Variants in RAP1GAP observed in about 807,000 individuals in gnomAD.
RAP1GAP encodes rap1 GTPase-activating protein 1.
RAP1GAP carries 35 observed loss-of-function variants against 87.2 expected under a neutral mutation model. The ratio of observed to expected loss-of-function variants is 0.40; its 90% CI spans 0.31 to 0.53. The LOEUF is 0.53. RAP1GAP is among the 20% of genes least tolerant of loss of function. The pLI is 0.48. For missense variants in RAP1GAP, 734 were observed against 898.9 expected, an observed-to-expected ratio of 0.82 and a Z score of 2.35; for synonymous variants, 375 against 363.9, an observed-to-expected ratio of 1.03 and a Z score of -0.35.
chr1:21,626,559 C>G (rs2092152003), intron 2 of RAP1GAP, among the ~76,000 whole-genome samples, 162 bp from the exon 3 acceptor site: 2 of 152,138 alleles, frequency 1.3e-5, no homozygotes, highest in African/African-American at 4.8e-5. Context: ...GCTTCATTAG[C>G]AGGGCTACCA....
chr1:21,601,990 G>A (rs1558608742), intron 19 of RAP1GAP, among the ~76,000 whole-genome samples, 193 bp from the exon 20 acceptor site: 1 of 152,228 alleles, frequency 6.6e-6, no homozygotes. Context: ...GCACTGATGG[G>A]GCTATATGGG....
rs747646605 is a variant in RAP1GAP at position 21,609,525 on chromosome 1, C to T, written c.1071+50G>A. 1 of 1,120,732 alleles carries T rather than the reference C, an allele frequency of 8.9e-7. No individual in the cohort carries two copies. The highest frequency in any genetic ancestry group is 2.1e-5 in the South Asian group (1 of 47,128). The allele number at this position is 1,120,732 out of a possible 1,614,324, so 69.4% of individuals were successfully genotyped here. A position where few individuals can be genotyped will look rare whatever the true frequency, so the allele number is the denominator to read the frequency against. The stretch of plus-strand genomic sequence containing the variant: ...GCAGAATGTGTATGCACCCCCCAGG[C>T]CCCCACCCATTTGTCCTGCTCTGCC... On this transcript the variant is annotated intron_variant, in intron 15 of 24. Coordinates refer to ENST00000374765, the MANE Select transcript of RAP1GAP (RefSeq NM_002885.4). The surrounding 1 kb of genome is among the most constrained non-coding windows in gnomAD (Gnocchi z 4.4).
At chr1:21,662,139 G>C (rs2097175571) in intron 1 of RAP1GAP, among the ~76,000 whole-genome samples, 1 of 152,186 alleles carries the variant, frequency 6.6e-6, no homozygotes, top group African/African-American at 2.4e-5. Flanking sequence ...CAGGTGCTGG[G>C]TCTCAGAAGG....
At chr1:21,666,455 A>G (rs1467087015) in intron 1 of RAP1GAP, among the ~76,000 whole-genome samples, 4 of 152,174 alleles carry the variant, frequency 2.6e-5, no homozygotes, top group Non-Finnish European at 5.9e-5. Flanking sequence ...AGAGACAGCA[A>G]AGGAGCAGCC....
In RAP1GAP at chr1:21,611,709, T is replaced by C. The variant is rs372850080; in HGVS notation, c.713+7A>G. ...TTACACTCTGCTCAGCCCACCCTAA[T>C]ACTCACCCCTTAAAGTCCTGCAGTT... On this transcript the variant is annotated splice_region_variant and intron_variant, in intron 12 of 24. Transcript: ENST00000374765. The C allele has an allele frequency of 6.2e-7, 1 of 1,612,178 alleles. No individual in the cohort carries two copies. The highest frequency in any genetic ancestry group is 1.3e-5 in the African/African-American group (1 of 74,902).
chr1:21,662,365 G>T (rs2097183493), intron 1 of RAP1GAP, among the ~76,000 whole-genome samples: 1 of 152,208 alleles, frequency 6.6e-6, no homozygotes, highest in Admixed American at 6.5e-5. Flanking sequence ...GGTTGGACCA[G>T]CTGATCTCTG....
At chr1:21,607,702 C>T (rs1184353567) in intron 17 of RAP1GAP, among the ~76,000 whole-genome samples, 1 of 152,136 alleles carries the variant, frequency 6.6e-6, no homozygotes, top group Non-Finnish European at 1.5e-5. Flanking sequence ...TAGGCCCCAC[C>T]TCCAACAGTT....
At chr1:21,607,458 C>T in intron 17 of RAP1GAP, among the ~76,000 whole-genome samples, 1 of 152,174 alleles carries the variant, frequency 6.6e-6, no homozygotes, top group East Asian at 1.9e-4. Flanking sequence ...AGTGTCCGTG[C>T]TCTTAATGCT....
intron 18 of RAP1GAP, among the ~76,000 whole-genome samples, 160 bp downstream of exon 18, chr1:21,605,906 C>T (rs1243934924): frequency 1.3e-5 from 2 of 152,218 alleles, no homozygotes; most frequent in Non-Finnish European, 2.9e-5. Flanking sequence ...CACTTCACCC[C>T]CCTCCCATGG....
chr1:21,634,842 A>G lies in RAP1GAP; in HGVS notation c.-112-8445T>C. On this transcript the variant is annotated intron_variant, in intron 2 of 24. Coordinates refer to ENST00000374765, the MANE Select transcript of RAP1GAP (RefSeq NM_002885.4). This position sits in a 1 kb window ranked among gnomAD's most constrained non-coding sequence, Gnocchi z 4.1. ...GCCAAAACCTGACCCTTCCCACCCC[A>G]CCGAGGACTTCAGTGTGGACTGACT... 2.8e-6 allele frequency: 1 copy of G among 361,526 alleles called. No individual in the cohort carries two copies. The highest frequency in any genetic ancestry group is 6.0e-6 in the Non-Finnish European group (1 of 167,752). 22.4% of individuals were successfully genotyped at this position (361,526 alleles called of 1,614,324 possible). A position where few individuals can be genotyped will look rare whatever the true frequency, so the allele number is the denominator to read the frequency against.
At chr1:21,667,909 C>A (rs184942979) in intron 1 of RAP1GAP, among the ~76,000 whole-genome samples, 14 of 152,196 alleles carry the variant, frequency 9.2e-5, no homozygotes, top group African/African-American at 3.4e-4. Context: ...ACACGCACCC[C>A]TTACCAGACC....
chr1:21,618,126 A>T (rs944458155), intron 5 of RAP1GAP, among the ~76,000 whole-genome samples, 154 bp from the exon 6 acceptor site: 2 of 152,226 alleles, frequency 1.3e-5, no homozygotes, highest in East Asian at 3.9e-4. Flanking sequence ...AGGCAGGCTT[A>T]GCGTGCTGAG....
Position 21,655,451 on chromosome 1 carries a change from G to A in RAP1GAP, c.-148-5655C>T, listed in dbSNP as rs139741093. ...GACCAGGCTCTGATGCTTCCTAGCT[G>A]TGTGATGTCAAACACATTAGTAACA... On this transcript the variant is annotated intron_variant, in intron 1 of 24. Coordinates refer to ENST00000374765, the MANE Select transcript of RAP1GAP (RefSeq NM_002885.4). Among the ~76,000 whole-genome samples the A allele has an allele frequency of 1.7e-3, 257 of 152,316 alleles. 1 individual carries two copies. Among genetic ancestry groups the A allele is most frequent in the African/African-American group, 5.1e-3 (212 of 41,582 alleles).
chr1:21,665,365 T>A, intron 1 of RAP1GAP: 1 of 409,638 alleles, frequency 2.4e-6, no homozygotes, highest in Admixed American at 2.5e-5. Context: ...CACCTCCTCA[T>A]CTGACACAAA....
At chr1:21,655,890 T>C (rs1406724273) in intron 1 of RAP1GAP, among the ~76,000 whole-genome samples, 1 of 152,114 alleles carries the variant, frequency 6.6e-6, no homozygotes, top group African/African-American at 2.4e-5. Flanking sequence ...CCTGGGAAGA[T>C]CTCAGGTCTG....
In RAP1GAP at chr1:21,634,786, C is replaced by A; in HGVS notation, c.-112-8389G>T. 1 of 465,978 alleles carries A rather than the reference C, an allele frequency of 2.1e-6. No individual in the cohort carries two copies. The highest frequency in any genetic ancestry group is 6.5e-5 in the East Asian group (1 of 15,300). The allele number at this position is 465,978 out of a possible 1,614,324, so 28.9% of individuals were successfully genotyped here. A position where few individuals can be genotyped will look rare whatever the true frequency, so the allele number is the denominator to read the frequency against. On this transcript the variant is annotated intron_variant, in intron 2 of 24. Coordinates refer to ENST00000374765, the MANE Select transcript of RAP1GAP (RefSeq NM_002885.4). The surrounding 1 kb of genome is among the most constrained non-coding windows in gnomAD (Gnocchi z 4.1). Reference sequence around the variant, plus strand: ...CCTGCTGTCTATCCAGCATCTGTCTCCCTTGCTCAGGTGGCCTGAGCCCCA... The same window carrying A: ...CCTGCTGTCTATCCAGCATCTGTCTACCTTGCTCAGGTGGCCTGAGCCCCA...
chr1:21,622,553 A>T lies in RAP1GAP; in HGVS notation c.-18-2503T>A, dbSNP rs2089156213. ...GCTCCCGGCGGCGGCGCTGCCTGCG[A>T]TGGGCTCGCCCCACGGCGGGGCCCG... On this transcript the variant is annotated intron_variant, in intron 3 of 24. Transcript: ENST00000374765. This position sits in a 1 kb window ranked among gnomAD's most constrained non-coding sequence, Gnocchi z 5.7. 6.8e-6 allele frequency: 1 copy of T among 147,018 alleles called. No homozygotes were observed. Among genetic ancestry groups the T allele is most frequent in the Non-Finnish European group, 1.5e-5 (1 of 66,468 alleles). The allele number at this position is 147,018 out of a possible 1,614,324, so 9.1% of individuals were successfully genotyped here. A position where few individuals can be genotyped will look rare whatever the true frequency, so the allele number is the denominator to read the frequency against.
chr1:21,648,068 T>C (rs2096240690), intron 2 of RAP1GAP, among the ~76,000 whole-genome samples: 1 of 152,148 alleles, frequency 6.6e-6, no homozygotes, highest in African/African-American at 2.4e-5. Context: ...CTTTGGCAGC[T>C]GGGAAGGGAG....
Position 21,609,619 on chromosome 1 carries a change from G to A in RAP1GAP, c.1027C>T (p.Pro343Ser). Residue 343 changes from proline (P) to serine (S), a missense_variant, in exon 15 of 25, where the codon CCC becomes TCC. Transcript: ENST00000374765. This position sits in a 1 kb window ranked among gnomAD's most constrained non-coding sequence, Gnocchi z 4.4. ...TCCGGGAGGGGGGGTCCAAAGAAGG[G>A]CACATCATCTCTTGCAGTGACAGAG... ...KVSVTARDDV[P>S]FFGPPLPDPA... is the part of the protein sequence containing the mutation. 1 of 1,581,926 alleles carries A rather than the reference G, an allele frequency of 6.3e-7. No individual in the cohort carries two copies.
Sources: gnomAD v4.1 joint callset for allele counts (sites outside exome capture counted in the v4.1 genomes callset) on GRCh38, gnomAD v4.1.1 for gene constraint, Gnocchi (gnomAD v3.1) non-coding constraint, MANE v1.5 for transcripts, NCBI Gene and HGNC (gene_info 2026-07-23, HGNC 2026-07-21) for gene names.